Variants in DISP3 observed in about 807,000 individuals in gnomAD.
DISP3 encodes the protein protein dispatched homolog 3.
In DISP3, 101 loss-of-function variants were observed where a neutral mutation model predicts 135.3. That is an observed-to-expected ratio of 0.75 (90% CI 0.64 to 0.88). DISP3 has a LOEUF of 0.88. Among genes scored for constraint, DISP3 ranks in the 40% least tolerant of loss-of-function variants. The pLI is 0.00. For missense variants in DISP3, 1,713 were observed against 1,878.6 expected (o/e 0.91, Z 1.63); for synonymous variants, 856 against 817.0 (o/e 1.05, Z -0.81).
At chr1:11,526,863 G>A in intron 13 of DISP3, 28 bp downstream of exon 13, 1 of 1,583,668 alleles carries the variant, frequency 6.3e-7, no homozygotes, top group Non-Finnish European at 8.6e-7. Flanking sequence ...ACAAGCCGGT[G>A]CCCATCAGCC....
Position 11,524,045 on chromosome 1 carries a change from C to A in DISP3, c.2466C>A (p.Ala822=), listed in dbSNP as rs766325617. 2 of 1,610,588 alleles carry A rather than the reference C, an allele frequency of 1.2e-6. No homozygotes were observed. The highest frequency in any genetic ancestry group is 3.3e-5 in the Admixed American group (2 of 59,966). ...TCCCCTGGGCTAGCCGGCCTGAGGC[C>A]ACCCTGCAGGGTGAGCACTGGGGGT... is the stretch of plus-strand genomic sequence containing the variant. ...SGVPWASRPE[A]TLQDFPGTVY... The change falls in exon 11 of 21, where the codon GCC becomes GCA. Residue 822 remains alanine (A), a synonymous_variant. Transcript: ENST00000294484.
chr1:11,534,675 C>A, intron 18 of DISP3, 135 bp downstream of exon 18: 2 of 1,211,332 alleles, frequency 1.7e-6, no homozygotes, highest in Non-Finnish European at 2.3e-6. Flanking sequence ...GGCACGGTGG[C>A]TGGGACATTG....
At position 11,534,558 on chromosome 1, in the gene DISP3, C is replaced by A; in HGVS notation, c.3535+18C>A. On this transcript the variant is annotated intron_variant, in intron 18 of 20. Transcript: ENST00000294484. The stretch of plus-strand genomic sequence containing the variant: ...AATCGTAGGCAAGCGGCAGCCTCGC[C>A]CCTCCATCCTGGGTGGGCAGGAGGC... 6.3e-7 allele frequency: 1 copy of A among 1,590,046 alleles called. No homozygotes were observed. The highest frequency in any genetic ancestry group is 1.2e-5 in the South Asian group (1 of 85,988).
chr1:11,501,335 G>T lies in DISP3; in HGVS notation c.343G>T (p.Ala115Ser). 1.9e-6 allele frequency: 3 copies of T among 1,613,818 alleles called. No homozygotes were observed. The highest frequency in any genetic ancestry group is 2.5e-6 in the Non-Finnish European group (3 of 1,179,968). ...YNAFEIRNHE[A>S]SQRFDALTLA... Reference sequence around the variant, plus strand: ...CGCCTTTGAGATCCGCAACCACGAGGCCTCACAGCGTTTCGACGCTCTCAC... The same window carrying T: ...CGCCTTTGAGATCCGCAACCACGAGTCCTCACAGCGTTTCGACGCTCTCAC... The change falls in exon 2 of 21, where the codon GCC becomes TCC. Residue 115 changes from alanine to serine, a missense_variant. Ala to Ser is a moderately conservative substitution (Grantham distance 99). Transcript: ENST00000294484. This position sits in a 1 kb window ranked among gnomAD's most constrained non-coding sequence, Gnocchi z 4.9.
intron 15 of DISP3, among the ~76,000 whole-genome samples, chr1:11,530,332 T>C (rs976717455): frequency 6.6e-5 from 10 of 152,310 alleles, no homozygotes; most frequent in African/African-American, 2.4e-4. Flanking sequence ...TCCTGTCCAA[T>C]GTGGGGCTCT....
At chr1:11,497,230 G>T (rs1641359972) in intron 1 of DISP3, among the ~76,000 whole-genome samples, 2 of 151,938 alleles carry the variant, frequency 1.3e-5, no homozygotes, top group African/African-American at 2.4e-5. Context: ...TTTTCCATAG[G>T]TTATTGGGGT....
chr1:11,523,805 C>T (rs1208320324), intron 10 of DISP3, 137 bp from the exon 11 acceptor site: 1 of 618,926 alleles, frequency 1.6e-6, no homozygotes, highest in Non-Finnish European at 2.8e-6. Context: ...CTTTCTGACC[C>T]CTGACACCCA....
chr1:11,515,051 C>A (rs1245280470), intron 4 of DISP3, among the ~76,000 whole-genome samples: 1 of 152,220 alleles, frequency 6.6e-6, no homozygotes, highest in Non-Finnish European at 1.5e-5. Context: ...TTACTGGGCA[C>A]CAAACTATAT....
chr1:11,536,438 A>G lies in DISP3; in HGVS notation c.3931A>G (p.Ile1311Val). The change falls in exon 21 of 21, where the codon ATC becomes GTC. Residue 1311 changes from isoleucine to valine, a missense_variant. By Grantham distance (29) the Ile-to-Val change is conservative. Transcript: ENST00000294484. The surrounding 1 kb of genome is among the most constrained non-coding windows in gnomAD (Gnocchi z 4.3). Reference sequence around the variant, plus strand: ...CGCCACAGTGCCCCTCTTCTTCTGCATCATCGCCCCATTTGCCAAGTTCGG... The same window carrying G: ...CGCCACAGTGCCCCTCTTCTTCTGCGTCATCGCCCCATTTGCCAAGTTCGG... The part of the protein sequence containing the change: ...VIATVPLFFC[I>V]IAPFAKFGKI... The G allele has an allele frequency of 6.2e-7, 1 of 1,613,574 alleles. No individual in the cohort carries two copies. Among genetic ancestry groups the G allele is most frequent in the African/African-American group, 1.3e-5 (1 of 75,074 alleles).
intron 4 of DISP3, 101 bp downstream of exon 4, chr1:11,514,627 C>A: frequency 7.1e-7 from 1 of 1,416,434 alleles, no homozygotes; most frequent in Non-Finnish European, 9.7e-7. Context: ...TTGAGCCCAG[C>A]ATGTCAGAGC....
At chr1:11,508,184 G>C (rs2100430875) in intron 3 of DISP3, among the ~76,000 whole-genome samples, 1 of 152,318 alleles carries the variant, frequency 6.6e-6, no homozygotes, top group African/African-American at 2.4e-5. Flanking sequence ...CTACTTGGAA[G>C]GCTGAGGCAG....
Position 11,501,243 on chromosome 1 carries a change from TC to T in DISP3, c.255del (p.Met86TrpfsTer141). 6.2e-7 allele frequency: 1 copy of T among 1,614,140 alleles called. No individual in the cohort carries two copies. The highest frequency in any genetic ancestry group is 8.5e-7 in the Non-Finnish European group (1 of 1,180,030). ...AGLVLFLGCS[I>X]PMALSAFMFL... is the part of the protein sequence containing the mutation. ...CTGGTGCTCTTCCTGGGCTGCAGCA[TC>T]CCCATGGCCCTGTCAGCCTTCATGT... On this transcript the variant is annotated frameshift_variant, in exon 2 of 21. Transcript: ENST00000294484. LOFTEE classifies it high-confidence loss of function. The surrounding 1 kb of genome is among the most constrained non-coding windows in gnomAD (Gnocchi z 4.9).
At chr1:11,488,107 G>A (rs991990979) in intron 1 of DISP3, among the ~76,000 whole-genome samples, 1 of 152,138 alleles carries the variant, frequency 6.6e-6, no homozygotes, top group Non-Finnish European at 1.5e-5. Flanking sequence ...AGCTTCGCTG[G>A]GTCTCTCCTG....
In DISP3 at chr1:11,501,793, T is replaced by A. The variant is rs1465760668; in HGVS notation, c.801T>A (p.Thr267=). ...CGCGCGCCTATGTGAGTGCCAACAC[T>A]CAGACGCACGCGCACTGGCGCATCG... ...DYSRAYVSAN[T]QTHAHWRIEL... is the part of the protein sequence containing the mutation. The change falls in exon 2 of 21, where the codon ACT becomes ACA. Residue 267 remains threonine (T), a synonymous_variant. Transcript: ENST00000294484. This position sits in a 1 kb window ranked among gnomAD's most constrained non-coding sequence, Gnocchi z 4.9. 3.7e-6 allele frequency: 6 copies of A among 1,602,940 alleles called. No individual in the cohort carries two copies. In the Admixed American group the frequency reaches 1.0e-4, roughly 27 times the overall value.
In DISP3 at chr1:11,483,192, G is replaced by A. The variant is rs559510745; in HGVS notation, c.-4+3820G>A. Among the ~76,000 whole-genome samples the A allele has an allele frequency of 5.5e-4, 84 of 152,340 alleles. No individual in the cohort carries two copies. Among genetic ancestry groups the A allele is most frequent in the Non-Finnish European group, 1.1e-3 (74 of 68,038 alleles). ...CACTCCACTCTGCACCAGCTGGAAG[G>A]TACACGGGCGGGAGGATTGAGAGGA... On this transcript the variant is annotated intron_variant, in intron 1 of 20. Transcript: ENST00000294484. This position sits in a 1 kb window ranked among gnomAD's most constrained non-coding sequence, Gnocchi z 5.4.
At chr1:11,513,591 T>TG in intron 3 of DISP3, among the ~76,000 whole-genome samples, 1 of 151,910 alleles carries the variant, frequency 6.6e-6, no homozygotes, top group East Asian at 1.9e-4. Flanking sequence ...AATTTGGTTA[T>TG]GATGTGCATT....
At chr1:11,505,093 A>G (rs1327861425) in intron 3 of DISP3, among the ~76,000 whole-genome samples, 1 of 152,246 alleles carries the variant, frequency 6.6e-6, no homozygotes, top group African/African-American at 2.4e-5. Flanking sequence ...ACATTCCTCC[A>G]GTCAACAACA....
rs1196772986 is a variant in DISP3 at position 11,514,889 on chromosome 1, C to T, written c.1453+363C>T. ...CCCAAGTCAACTGCCATCTGCCCCC[C>T]GATCACTTTTTCACCTCCGTGTGCC... On this transcript the variant is annotated intron_variant, in intron 4 of 20. Coordinates refer to ENST00000294484, the MANE Select transcript of DISP3 (RefSeq NM_020780.2). Among the ~76,000 whole-genome samples the T allele has an allele frequency of 2.6e-5, 4 of 152,202 alleles. No homozygotes were observed. In the South Asian group the frequency reaches 6.2e-4, roughly 24 times the overall value.
intron 3 of DISP3, among the ~76,000 whole-genome samples, chr1:11,503,378 C>T (rs1199370235): frequency 1.3e-5 from 2 of 152,176 alleles, no homozygotes; most frequent in African/African-American, 4.8e-5. Flanking sequence ...TGCTGCAAGA[C>T]CTTTGGATGC....
Sources: allele counts gnomAD v4.1 joint callset (sites outside exome capture counted in the v4.1 genomes callset), GRCh38; gene constraint gnomAD v4.1.1; non-coding constraint Gnocchi (gnomAD v3.1); transcripts MANE v1.5; gene names NCBI Gene and HGNC (gene_info 2026-07-23, HGNC 2026-07-21).